The following PHF21A variants were observed in gnomAD, a reference collection of about 807,000 sequenced individuals.
The protein encoded by PHF21A is PHD finger protein 21A, also known as BHC80a.
Under a neutral mutation model 82.5 loss-of-function variants are expected in PHF21A, and 11 were observed. The ratio of observed to expected loss-of-function variants is 0.13; its 90% CI spans 0.08 to 0.22. PHF21A has a LOEUF of 0.22. Among genes scored for constraint, PHF21A ranks in the 10% least tolerant of loss-of-function variants. The pLI, the probability that PHF21A is intolerant of heterozygous loss-of-function variation, is 1.00. For synonymous variants in PHF21A, 297 were observed against 302.8 expected (o/e 0.98, Z 0.20); for missense variants, 579 against 837.8 (o/e 0.69, Z 3.81).
chr11:46,007,757 C>T (rs568746067), intron 6 of PHF21A, among the ~76,000 whole-genome samples: 1 of 152,132 alleles, frequency 6.6e-6, no homozygotes, highest in South Asian at 2.1e-4. Context: ...GAGATGTGTA[C>T]CCTTTACATA....
At chr11:46,054,643 C>T (rs1253840266) in intron 6 of PHF21A, among the ~76,000 whole-genome samples, 1 of 152,162 alleles carries the variant, frequency 6.6e-6, no homozygotes, top group Non-Finnish European at 1.5e-5. Flanking sequence ...TATTACTCTA[C>T]AACTGTTGAG....
At chr11:45,997,695 A>C (rs986166470) in intron 6 of PHF21A, among the ~76,000 whole-genome samples, 1 of 152,206 alleles carries the variant, frequency 6.6e-6, no homozygotes, top group Non-Finnish European at 1.5e-5. Context: ...GACAAAAGCC[A>C]ATCTACCTGT....
In PHF21A at chr11:45,934,055, A is replaced by G. The variant is rs752635361; in HGVS notation, c.1959T>C (p.Pro653=). 2 of 1,613,264 alleles carry G rather than the reference A, an allele frequency of 1.2e-6. No homozygotes were observed. The highest frequency in any genetic ancestry group is 1.7e-6 in the Non-Finnish European group (2 of 1,179,606). The change falls in exon 19 of 19, where the codon CCT becomes CCC. Residue 653 remains proline, a synonymous_variant. Coordinates refer to ENST00000676320, the MANE Select transcript of PHF21A (RefSeq NM_001352027.3). The stretch of plus-strand genomic sequence containing the variant: ...CCGGCGTGGAGGTGGCGGCATTGGC[A>G]GGGGGGGTGCAGTCCGGGCCATTGG... The part of the protein sequence containing the change: ...AISNGPDCTP[P]ANAATSTPAP...
Position 45,935,102 on chromosome 11 carries a change from C to T in PHF21A, c.1788+534G>A, listed in dbSNP as rs1454107872. On this transcript the variant is annotated intron_variant, in intron 18 of 18. Coordinates refer to ENST00000676320, the MANE Select transcript of PHF21A (RefSeq NM_001352027.3). ...AACCCTCTTTCCCACTTGGACAGGC[C>T]GGGCTGGGCAGTACTTACTTCCAAT... 13 of 1,288,414 alleles carry T rather than the reference C, an allele frequency of 1.0e-5. No homozygotes were observed. In the East Asian group the frequency reaches 4.4e-4, roughly 44 times the overall value. The allele number at this position is 1,288,414 out of a possible 1,614,324, so 79.8% of individuals were successfully genotyped here.
chr11:46,068,184 G>A (rs1244746741), intron 6 of PHF21A, among the ~76,000 whole-genome samples: 1 of 152,076 alleles, frequency 6.6e-6, no homozygotes, highest in Admixed American at 6.5e-5. Context: ...CCAGTCACAT[G>A]GAAGTAACAC....
intron 11 of PHF21A, among the ~76,000 whole-genome samples, chr11:45,952,109 T>C (rs1018009741): frequency 3.3e-5 from 5 of 152,210 alleles, no homozygotes; most frequent in African/African-American, 1.2e-4. Flanking sequence ...CCAGCCTAAA[T>C]TTTTGATGAT....
In PHF21A at chr11:46,094,111, G is replaced by C. The variant is rs1398517877; in HGVS notation, c.-236-1888C>G. 3.3e-5 allele frequency among the ~76,000 whole-genome samples: 5 copies of C among 152,132 alleles called. No homozygotes were observed. The East Asian group carries it at 9.6e-4, about 29-fold the overall frequency. On this transcript the variant is annotated intron_variant, in intron 1 of 18. Coordinates refer to ENST00000676320, the MANE Select transcript of PHF21A (RefSeq NM_001352027.3). ...ATATGTTGAAATTCAAAGTGATGAG[G>C]ATGGGACTGGGATTTTAACTTATAC...
rs866459041 is a variant in PHF21A, at chr11:45,943,978, C to A, written c.1452+1862G>T. Among the ~76,000 whole-genome samples the A allele has an allele frequency of 3.9e-5, 6 of 152,210 alleles. No individual in the cohort carries two copies. In the South Asian group the frequency reaches 1.2e-3, roughly 32 times the overall value. On this transcript the variant is annotated intron_variant, in intron 15 of 18. Coordinates refer to ENST00000676320, the MANE Select transcript of PHF21A (RefSeq NM_001352027.3). ...GAACTGGCTATCTTTTTAAAAACGT[C>A]AATGTTATGAAAGACAAAGACTGAG...
intron 6 of PHF21A, among the ~76,000 whole-genome samples, chr11:46,015,738 A>T (rs2095503308): frequency 6.6e-6 from 1 of 152,318 alleles, no homozygotes; most frequent in South Asian, 2.1e-4. Flanking sequence ...ACAGGGTCAC[A>T]ATCATCAATA....
intron 10 of PHF21A, among the ~76,000 whole-genome samples, chr11:45,957,541 G>T (rs1196861431): frequency 6.6e-6 from 1 of 151,912 alleles, no homozygotes; most frequent in Non-Finnish European, 1.5e-5. Context: ...CAAGCAATGG[G>T]TAAAAGAAGA....
intron 15 of PHF21A, among the ~76,000 whole-genome samples, chr11:45,942,104 G>C (rs2090461141): frequency 6.6e-6 from 1 of 152,176 alleles, no homozygotes; most frequent in Non-Finnish European, 1.5e-5. Flanking sequence ...CCACTACTGG[G>C]ATACTGTAAA....
At position 46,076,794 on chromosome 11, in the gene PHF21A, T is replaced by C; in HGVS notation, c.113A>G (p.His38Arg). 1 of 1,613,368 alleles carries C rather than the reference T, an allele frequency of 6.2e-7. No individual in the cohort carries two copies. Among genetic ancestry groups the C allele is most frequent in the Non-Finnish European group, 8.5e-7 (1 of 1,179,390 alleles). Residue 38 changes from histidine to arginine, a missense_variant, in exon 6 of 19, where the codon CAT becomes CGT. Physicochemically the swap from His to Arg is conservative, Grantham distance 29. Transcript: ENST00000676320. ...PQNADLKKQLHELQAKITALS... is the reference protein window; with the variant it reads ...PQNADLKKQLRELQAKITALS... The stretch of plus-strand genomic sequence containing the variant: ...AGCTGTGATTTTGGCTTGGAGTTCA[T>C]GAAGCTGTTTCTTTAAGTCAGCATT...
intron 3 of PHF21A, among the ~76,000 whole-genome samples, chr11:46,089,656 T>A (rs2096900340): frequency 6.6e-6 from 1 of 152,038 alleles, no homozygotes; most frequent in Non-Finnish European, 1.5e-5. Flanking sequence ...CTTAGCTAGT[T>A]GGATGTTTCT....
At position 45,933,836 on chromosome 11, in the gene PHF21A, T is replaced by TTC. The variant is rs779234033; in HGVS notation, c.*130_*131dup. 3.4e-5 allele frequency: 29 copies of TTC among 857,172 alleles called. No individual in the cohort carries two copies. Among genetic ancestry groups the TTC allele is most frequent in the South Asian group, 2.2e-4 (9 of 41,338 alleles). 53.1% of individuals were successfully genotyped at this position (857,172 alleles called of 1,614,324 possible). A position where few individuals can be genotyped will look rare whatever the true frequency, so the allele number is the denominator to read the frequency against. On this transcript the variant is annotated 3_prime_UTR_variant, in exon 19 of 19. Coordinates refer to ENST00000676320, the MANE Select transcript of PHF21A (RefSeq NM_001352027.3). ...TCTGGTGCCACCTGGCACAAGCATC[T>TTC]TCTCTCTCTCTGGAACCAAAGAACC...
chr11:46,072,810 C>T (rs2959085), intron 6 of PHF21A, among the ~76,000 whole-genome samples: 137,135 of 152,174 alleles, frequency 0.9, 61,956 homozygotes, highest in East Asian at 1. Context: ...CTGGGGAAAC[C>T]GAAGCTGCAA....
In PHF21A at chr11:46,001,731, A is replaced by G. The variant is rs145093641; in HGVS notation, c.154-21765T>C. Among the ~76,000 whole-genome samples the G allele has an allele frequency of 9.3e-3, 1,418 of 152,306 alleles. 24 individuals are homozygous for G. The highest frequency in any genetic ancestry group is 0.032 in the African/African-American group (1,335 of 41,562). On this transcript the variant is annotated intron_variant, in intron 6 of 18. Transcript: ENST00000676320. ...GATAGGCCATGGGAGAATAAAACCA[A>G]TAAGAAACCTTTCTGTTCTGCACTT...
chr11:46,010,295 C>T (rs2095385469), intron 6 of PHF21A, among the ~76,000 whole-genome samples: 1 of 152,198 alleles, frequency 6.6e-6, no homozygotes, highest in African/African-American at 2.4e-5. Flanking sequence ...AAAATGTCAG[C>T]ATTTTGTAAA....
chr11:46,091,346 T>C (rs1468766765), intron 2 of PHF21A, among the ~76,000 whole-genome samples: 1 of 152,180 alleles, frequency 6.6e-6, no homozygotes, highest in Non-Finnish European at 1.5e-5. Flanking sequence ...AAGTTAATAT[T>C]TGTTTGATGG....
At chr11:45,955,533 A>G (rs2092569278) in intron 10 of PHF21A, among the ~76,000 whole-genome samples, 1 of 152,146 alleles carries the variant, frequency 6.6e-6, no homozygotes, top group African/African-American at 2.4e-5. Context: ...TCTTACTTCC[A>G]TTTCTAAGGC....
Sources: allele counts gnomAD v4.1 joint callset (sites outside exome capture counted in the v4.1 genomes callset), GRCh38; gene constraint gnomAD v4.1.1; transcripts MANE v1.5; gene names NCBI Gene and HGNC (gene_info 2026-07-23, HGNC 2026-07-21).